Variants in ACSF2 observed in about 807,000 individuals in gnomAD.
The protein encoded by ACSF2 is acyl-CoA synthetase family member 2.
A neutral mutation model predicts 79.3 loss-of-function variants in ACSF2; 52 were observed. The observed-to-expected ratio is 0.66, with a 90% CI of 0.53 to 0.83. ACSF2 has a LOEUF of 0.83. Among genes scored for constraint, ACSF2 ranks in the 40% least tolerant of loss-of-function variants. The pLI is 0.00. For synonymous variants in ACSF2, 283 were observed against 312.6 expected, an observed-to-expected ratio of 0.91 and a Z score of 1.00; for missense variants, 661 against 803.3, an observed-to-expected ratio of 0.82 and a Z score of 2.14.
At position 50,453,844 on chromosome 17, in the gene ACSF2, G is replaced by A. The variant is rs1180879702; in HGVS notation, c.129-6833G>A. On this transcript the variant is annotated intron_variant, in intron 1 of 15. Coordinates refer to ENST00000300441, the MANE Select transcript of ACSF2 (RefSeq NM_025149.6). ...CTTGCTCTGTTGCCCAGGCTGGAGTGCAGTGGGTGTAATCAACCTTGAACT... is the reference window on the plus strand; with the variant it reads ...CTTGCTCTGTTGCCCAGGCTGGAGTACAGTGGGTGTAATCAACCTTGAACT... Among the ~76,000 whole-genome samples, 4 of 151,558 alleles carry A rather than the reference G, an allele frequency of 2.6e-5. No individual in the cohort carries two copies. The East Asian group carries it at 7.8e-4, about 29-fold the overall frequency.
At position 50,474,151 on chromosome 17, in the gene ACSF2, G is replaced by C. The variant is rs1479546773; in HGVS notation, c.1729-48G>C. ...CCCCTGGTCCCCTACCCATACCCCT[G>C]TGAGCTTGCGCAGCCTCACGCCTTA... is the stretch of plus-strand genomic sequence containing the variant. On this transcript the variant is annotated intron_variant, in intron 14 of 15. Coordinates refer to ENST00000300441, the MANE Select transcript of ACSF2 (RefSeq NM_025149.6). This position sits in a 1 kb window ranked among gnomAD's most constrained non-coding sequence, Gnocchi z 4.2. The C allele has an allele frequency of 6.2e-7, 1 of 1,611,316 alleles. No individual in the cohort carries two copies. The highest frequency in any genetic ancestry group is 8.5e-7 in the Non-Finnish European group (1 of 1,177,548).
chr17:50,436,370 C>G (rs193146499), intron 1 of ACSF2, among the ~76,000 whole-genome samples: 63 of 152,020 alleles, frequency 4.1e-4, no homozygotes, highest in African/African-American at 1.4e-3. Flanking sequence ...ACCTTGTGAT[C>G]CACCTGCCTT....
intron 1 of ACSF2, among the ~76,000 whole-genome samples, chr17:50,427,289 A>C (rs2143443858): frequency 6.6e-6 from 1 of 152,268 alleles, no homozygotes; most frequent in Middle Eastern, 3.4e-3. Context: ...TGTTTTTAAA[A>C]AGGCTAAGTA....
chr17:50,445,678 G>C (rs939804580), intron 1 of ACSF2, among the ~76,000 whole-genome samples: 2 of 152,040 alleles, frequency 1.3e-5, no homozygotes, highest in Non-Finnish European at 2.9e-5. Context: ...GTACATTCCT[G>C]TGTTCCCAGC....
intron 10 of ACSF2, among the ~76,000 whole-genome samples, chr17:50,467,002 C>T (rs190954878): frequency 6.6e-6 from 1 of 152,342 alleles, no homozygotes; most frequent in African/African-American, 2.4e-5. Context: ...CATCTCCACA[C>T]CCGCACCCTT....
At chr17:50,448,870 C>T (rs965145417) in intron 1 of ACSF2, among the ~76,000 whole-genome samples, 2 of 152,104 alleles carry the variant, frequency 1.3e-5, no homozygotes, top group Non-Finnish European at 2.9e-5. Context: ...TGCACCAGAA[C>T]CCTCCCTGCA....
At chr17:50,456,929 G>A (rs1187395888) in intron 1 of ACSF2, among the ~76,000 whole-genome samples, 1 of 152,006 alleles carries the variant, frequency 6.6e-6, no homozygotes. Flanking sequence ...GCTGGGTGTG[G>A]TGGCACACAC....
chr17:50,473,725 G>C lies in ACSF2; in HGVS notation c.1536G>C (p.Met512Ile). ...AGATCGTGGGCCGCTCTAAGGATATGATCATCCGGGGTGGTGAGAACATCT... is the reference window on the plus strand; with the variant it reads ...AGATCGTGGGCCGCTCTAAGGATATCATCATCCGGGGTGGTGAGAACATCT... ...FCKIVGRSKD[M>I]IIRGGENIYP... The change falls in exon 13 of 16, where the codon ATG becomes ATC. Residue 512 changes from methionine to isoleucine, a missense_variant. Met to Ile is a conservative substitution (Grantham distance 10). Transcript: ENST00000300441. 1.9e-6 allele frequency: 3 copies of C among 1,614,230 alleles called. No individual in the cohort carries two copies. Among genetic ancestry groups the C allele is most frequent in the Non-Finnish European group, 2.5e-6 (3 of 1,180,034 alleles).
At chr17:50,438,403 C>T (rs1477164533) in intron 1 of ACSF2, among the ~76,000 whole-genome samples, 3 of 152,130 alleles carry the variant, frequency 2.0e-5, no homozygotes, top group Non-Finnish European at 2.9e-5. Flanking sequence ...ACGTATTGCT[C>T]TGGTGAGACT....
At chr17:50,465,783 G>A (rs753901952) in intron 10 of ACSF2, 1 of 1,613,882 alleles carries the variant, frequency 6.2e-7, no homozygotes, top group East Asian at 2.2e-5. Flanking sequence ...CTGTCGAAGG[G>A]GAAGTTGGAG....
rs202147669 is a variant in ACSF2, at chr17:50,465,348, G to A, written c.1215+1054G>A. The A allele has an allele frequency of 5.5e-5, 88 of 1,614,070 alleles. No homozygotes were observed. The highest frequency in any genetic ancestry group is 5.3e-5 in the African/African-American group (4 of 75,018). On this transcript the variant is annotated intron_variant, in intron 10 of 15. Transcript: ENST00000300441. ...CTCTTGGTGGGGAACTTGCAGCTGC[G>A]GAAGGCGTCCGTGTCACGGATGTGC...
intron 13 of ACSF2, 32 bp downstream of exon 13, chr17:50,473,838 A>C (rs1451359091): frequency 6.2e-7 from 1 of 1,613,614 alleles, no homozygotes; most frequent in South Asian, 1.1e-5. Context: ...AGCCCCCAGA[A>C]ACAAGAAACA....
rs780369980 is a variant in ACSF2 at position 50,460,887 on chromosome 17, G to A, written c.324+15G>A. On this transcript the variant is annotated intron_variant, in intron 2 of 15. Transcript: ENST00000300441. Reference sequence around the variant, plus strand: ...TCAAGGAGGAGGTGGGTCCTGACCTGGAAACCTCAAAGTGGGCAAGTACTA... The same window carrying A: ...TCAAGGAGGAGGTGGGTCCTGACCTAGAAACCTCAAAGTGGGCAAGTACTA... 1.2e-6 allele frequency: 2 copies of A among 1,600,908 alleles called. No homozygotes were observed. The highest frequency in any genetic ancestry group is 2.7e-5 in the African/African-American group (2 of 74,546).
At chr17:50,461,739 G>A (rs968721005) in intron 4 of ACSF2, 53 bp downstream of exon 4, 11 of 1,601,328 alleles carry the variant, frequency 6.9e-6, no homozygotes, top group Admixed American at 5.0e-5. Context: ...ACAGGGGGCT[G>A]CACAGACTCT....
intron 1 of ACSF2, among the ~76,000 whole-genome samples, chr17:50,455,770 C>G (rs2031953754): frequency 2.0e-5 from 3 of 152,234 alleles, no homozygotes; most frequent in Admixed American, 1.3e-4. Flanking sequence ...AGCAGCACAC[C>G]TGCATTGAGA....
intron 10 of ACSF2, chr17:50,465,607 T>C (rs537519675): frequency 8.0e-6 from 12 of 1,495,152 alleles, no homozygotes; most frequent in Non-Finnish European, 1.8e-6. Flanking sequence ...GCTTATTAGG[T>C]AGCAGATCTA....
Position 50,463,465 on chromosome 17 carries a change from T to C in ACSF2, c.959T>C (p.Met320Thr), listed in dbSNP as rs1254135196. The change falls in exon 8 of 16, where the codon ATG becomes ACG. Residue 320 changes from methionine to threonine, a missense_variant. Transcript: ENST00000300441. This position sits in a 1 kb window ranked among gnomAD's most constrained non-coding sequence, Gnocchi z 4.6. ...TGCCTGGGTTCCGTGGCAGGCACAA[T>C]GATGTGTCTGATGTACGGTGCCACC... ...YHCLGSVAGTMMCLMYGATLI... is the reference protein window; with the variant it reads ...YHCLGSVAGTTMCLMYGATLI... 6.2e-7 allele frequency: 1 copy of C among 1,613,976 alleles called. No homozygotes were observed. Among genetic ancestry groups the C allele is most frequent in the African/African-American group, 1.3e-5 (1 of 74,928 alleles).
intron 1 of ACSF2, among the ~76,000 whole-genome samples, chr17:50,447,512 A>G (rs1313189370): frequency 6.6e-6 from 1 of 152,008 alleles, no homozygotes; most frequent in Non-Finnish European, 1.5e-5. Context: ...ACTGCACTCC[A>G]GCCTGGGCCA....
intron 1 of ACSF2, among the ~76,000 whole-genome samples, chr17:50,451,647 A>T (rs906902016): frequency 6.6e-6 from 1 of 152,172 alleles, no homozygotes; most frequent in South Asian, 2.1e-4. Flanking sequence ...ACAAGGTTTC[A>T]TCATATTGGC....
Sources: allele counts gnomAD v4.1 joint callset (sites outside exome capture counted in the v4.1 genomes callset), GRCh38; gene constraint gnomAD v4.1.1; non-coding constraint Gnocchi (gnomAD v3.1); transcripts MANE v1.5; gene names NCBI Gene and HGNC (gene_info 2026-07-23, HGNC 2026-07-21).